DPP6: variants seen among roughly 807,000 people sequenced by gnomAD.
The protein encoded by DPP6 is A-type potassium channel modulatory protein DPP6.
Under a neutral mutation model 122.6 loss-of-function variants are expected in DPP6, and 69 were observed. That is an observed-to-expected ratio of 0.56 (90% CI 0.46 to 0.69). The LOEUF is 0.69. Ranked by LOEUF, DPP6 falls within the 30% of genes least tolerant of loss-of-function variation. The probability of loss-of-function intolerance (pLI) is 0.00; values close to 1 mark genes in which losing one functional copy is unlikely to be tolerated. For synonymous variants in DPP6, 418 were observed against 433.1 expected (o/e 0.97, Z 0.43); for missense variants, 928 against 1,116.9 (o/e 0.83, Z 2.41).
intron 1 of DPP6, among the ~76,000 whole-genome samples, chr7:153,965,518 T>C (rs1348690808): frequency 6.6e-6 from 1 of 152,226 alleles, no homozygotes; most frequent in East Asian, 1.9e-4. Context: ...TTTTATTTTA[T>C]TTTTTATTTT....
chr7:154,475,469 A>G lies in DPP6; in HGVS notation c.457+432A>G. ...TAGGCAGAAGGACCAAAAGCAACTC[A>G]TGGAGTTCTTGTAGAATAGCTTCCA... is the stretch of plus-strand genomic sequence containing the variant. On this transcript the variant is annotated intron_variant, in intron 3 of 25. Transcript: ENST00000377770. 1.3e-5 allele frequency: 3 copies of G among 230,340 alleles called. No individual in the cohort carries two copies. In the South Asian group the frequency reaches 1.8e-4, roughly 14 times the overall value. The allele number at this position is 230,340 out of a possible 1,614,324, so 14.3% of individuals were successfully genotyped here.
rs564794540 is a variant in DPP6, at chr7:154,760,353, G to A, written c.884-9064G>A. On this transcript the variant is annotated intron_variant, in intron 8 of 25. Transcript: ENST00000377770. The surrounding 1 kb of genome is among the most constrained non-coding windows in gnomAD (Gnocchi z 4.5). The stretch of plus-strand genomic sequence containing the variant: ...CTGTGTGTGCAAATTCAGGGGGGTG[G>A]GGTGGAGGAAATTCAGTCCATGACA... Among the ~76,000 whole-genome samples the A allele has an allele frequency of 6.7e-4, 102 of 152,154 alleles. No homozygotes were observed. Among genetic ancestry groups the A allele is most frequent in the South Asian group, 6.2e-4 (3 of 4,808 alleles).
At chr7:154,011,729 T>C (rs1798165359) in intron 1 of DPP6, among the ~76,000 whole-genome samples, 1 of 152,206 alleles carries the variant, frequency 6.6e-6, no homozygotes. Context: ...AAAATGTTAT[T>C]CCCTAAGGGT....
chr7:154,583,668 C>A (rs35720916), intron 5 of DPP6, among the ~76,000 whole-genome samples: 2 of 152,084 alleles, frequency 1.3e-5, no homozygotes, highest in African/African-American at 2.4e-5. Context: ...AGTCAGAAGC[C>A]TCGCGTGGAG....
chr7:154,408,674 C>T (rs545971042), intron 1 of DPP6, among the ~76,000 whole-genome samples: 18 of 152,218 alleles, frequency 1.2e-4, no homozygotes, highest in Admixed American at 3.3e-4. Flanking sequence ...TATTTTCTCT[C>T]TGTTCCAGAC....
At chr7:153,763,941 C>T in the DPP6 span, among the ~76,000 whole-genome samples, 1 of 152,156 alleles carries the variant, frequency 6.6e-6, no homozygotes, top group East Asian at 1.9e-4. Flanking sequence ...GACATGATCT[C>T]CACCCTTTCA....
chr7:153,962,036 G>A (rs1795380471), intron 1 of DPP6, among the ~76,000 whole-genome samples: 1 of 148,838 alleles, frequency 6.7e-6, no homozygotes, highest in African/African-American at 2.5e-5. Flanking sequence ...ACACTGCAGA[G>A]GAGAGCAGAG....
At chr7:153,764,021 C>T in the DPP6 span, among the ~76,000 whole-genome samples, 1 of 152,160 alleles carries the variant, frequency 6.6e-6, no homozygotes, top group South Asian at 2.1e-4. Context: ...ATTCTTTTCT[C>T]CAGCTGTCCC....
At chr7:154,700,907 G>T (rs1225805341) in intron 7 of DPP6, among the ~76,000 whole-genome samples, 1 of 152,050 alleles carries the variant, frequency 6.6e-6, no homozygotes, top group Non-Finnish European at 1.5e-5. Flanking sequence ...TAAATGAGAT[G>T]CCCAGAGACC....
intron 4 of DPP6, among the ~76,000 whole-genome samples, chr7:154,554,479 ATC>A (rs1208499468): frequency 6.6e-6 from 1 of 152,032 alleles, no homozygotes; most frequent in Non-Finnish European, 1.5e-5. Flanking sequence ...ATCATTTTAT[ATC>A]TCTTTTTTCC....
At chr7:154,400,440 G>C (rs1815472954) in intron 1 of DPP6, among the ~76,000 whole-genome samples, 1 of 152,186 alleles carries the variant, frequency 6.6e-6, no homozygotes, top group Non-Finnish European at 1.5e-5. Context: ...CTTTTTAGGT[G>C]ATCTCTGAAA....
intron 8 of DPP6, among the ~76,000 whole-genome samples, chr7:154,739,010 G>T (rs900327790): frequency 6.6e-6 from 1 of 152,234 alleles, no homozygotes; most frequent in Non-Finnish European, 1.5e-5. Flanking sequence ...TTCCCTCACG[G>T]TCACTCAAGG....
At chr7:153,757,876 T>A in the DPP6 span, among the ~76,000 whole-genome samples, 16 of 152,162 alleles carry the variant, frequency 1.1e-4, no homozygotes, top group Non-Finnish European at 4.4e-5. Flanking sequence ...GGAGAATCGC[T>A]TGAACCCAGG....
intron 7 of DPP6, among the ~76,000 whole-genome samples, chr7:154,675,322 G>A (rs571899742): frequency 2.6e-3 from 397 of 152,106 alleles, no homozygotes; most frequent in African/African-American, 9.2e-3. Flanking sequence ...AAACCTACAC[G>A]TTGTGAACAT....
intron 3 of DPP6, among the ~76,000 whole-genome samples, chr7:154,492,928 GT>G (rs1381426035): frequency 6.6e-6 from 1 of 152,200 alleles, no homozygotes; most frequent in Non-Finnish European, 1.5e-5. Context: ...GAACTAAGAT[GT>G]AACCCAAATA....
At chr7:153,853,337 T>C in the DPP6 span, among the ~76,000 whole-genome samples, 4 of 152,240 alleles carry the variant, frequency 2.6e-5, no homozygotes, top group Non-Finnish European at 1.5e-5. Context: ...CTACCAAGAA[T>C]TCTCCCTTGG....
the DPP6 span, among the ~76,000 whole-genome samples, chr7:153,805,650 G>A: frequency 6.6e-6 from 1 of 152,134 alleles, no homozygotes; most frequent in Non-Finnish European, 1.5e-5. Context: ...TGGCACACAT[G>A]CACCATGGAA....
intron 1 of DPP6, among the ~76,000 whole-genome samples, chr7:153,989,321 TTGTG>T (rs1026568016): frequency 7.0e-6 from 1 of 142,154 alleles, no homozygotes; most frequent in African/African-American, 2.6e-5. Context: ...GGAGTAAGAT[TTGTG>T]TGAGTGTGAG....
chr7:154,152,245 T>A (rs1320079197), intron 1 of DPP6, among the ~76,000 whole-genome samples: 1 of 151,978 alleles, frequency 6.6e-6, no homozygotes, highest in Non-Finnish European at 1.5e-5. Flanking sequence ...GGAGGAGACA[T>A]AATTTTTTCA....
Sources: allele counts gnomAD v4.1 joint callset (sites outside exome capture counted in the v4.1 genomes callset), GRCh38; gene constraint gnomAD v4.1.1; non-coding constraint Gnocchi (gnomAD v3.1); transcripts MANE v1.5; gene names NCBI Gene and HGNC (gene_info 2026-07-23, HGNC 2026-07-21).